OSTM1: variants seen among roughly 807,000 people sequenced by gnomAD.
OSTM1 encodes the protein osteopetrosis-associated transmembrane protein 1.
A neutral mutation model predicts 35.4 loss-of-function variants in OSTM1; 26 were observed. That is an observed-to-expected ratio of 0.73 (90% CI 0.54 to 1.02). The LOEUF is 1.02. Among genes scored for constraint, OSTM1 ranks in the 50% least tolerant of loss-of-function variants. The probability of loss-of-function intolerance (pLI) is 0.00; values close to 1 mark genes in which losing one functional copy is unlikely to be tolerated. For missense variants in OSTM1, 366 were observed against 409.6 expected (o/e 0.89, Z 0.92); for synonymous variants, 181 against 165.0 (o/e 1.10, Z -0.75).
chr6:108,071,314 G>GT (rs112027916), intron 1 of OSTM1, among the ~76,000 whole-genome samples: 59 of 149,784 alleles, frequency 3.9e-4, no homozygotes, highest in South Asian at 1.5e-3. Flanking sequence ...TTTTGTTTTG[G>GT]TTTTTTTTTG....
At chr6:108,047,435 G>A (rs976283724) in intron 5 of OSTM1, among the ~76,000 whole-genome samples, 1 of 152,210 alleles carries the variant, frequency 6.6e-6, no homozygotes, top group African/African-American at 2.4e-5. Flanking sequence ...AGCAGACCCT[G>A]GAAAGTAAGT....
rs115796430 is a variant in OSTM1 at position 108,046,005 on chromosome 6, T to A, written c.950-1165A>T. On this transcript the variant is annotated intron_variant, in intron 5 of 5. Transcript: ENST00000193322. The stretch of plus-strand genomic sequence containing the variant: ...TCTGGTTTCTTTTTTTATTTTATTT[T>A]ATTTATTTTTTTTGAGACGGACTCT... Among the ~76,000 whole-genome samples, 457 of 151,950 alleles carry A rather than the reference T, an allele frequency of 3.0e-3. 3 individuals are homozygous for A. The highest frequency in any genetic ancestry group is 0.011 in the African/African-American group (441 of 41,460).
At chr6:108,048,147 CCTTT>C (rs914413846) in intron 5 of OSTM1, among the ~76,000 whole-genome samples, 1 of 151,984 alleles carries the variant, frequency 6.6e-6, no homozygotes, top group Non-Finnish European at 1.5e-5. Flanking sequence ...CTACAGGTAA[CCTTT>C]TTTTAAAAAA....
chr6:108,044,935 A>G (rs113747694), intron 5 of OSTM1, 95 bp from the exon 6 acceptor site: 1 of 620,706 alleles, frequency 1.6e-6, no homozygotes, highest in African/African-American at 1.9e-5. Flanking sequence ...TTATCTATTA[A>G]TTCTATGTTT....
In OSTM1 at chr6:108,050,222, T is replaced by C. The variant is rs6938344; in HGVS notation, c.784-804A>G. Among the ~76,000 whole-genome samples the C allele has an allele frequency of 7.2e-3, 1,098 of 152,306 alleles. 11 individuals carry two copies. Among genetic ancestry groups the C allele is most frequent in the African/African-American group, 0.017 (703 of 41,562 alleles). ...TAAGTCCTTGTCCTCATGTGGCTTATATTTTAGTGAGGAAGACAGACTAAA... is the reference window on the plus strand; with the variant it reads ...TAAGTCCTTGTCCTCATGTGGCTTACATTTTAGTGAGGAAGACAGACTAAA... On this transcript the variant is annotated intron_variant, in intron 4 of 5. Transcript: ENST00000193322.
chr6:108,051,110 TAC>T lies in OSTM1; in HGVS notation c.702_703del (p.Tyr235GlnfsTer2). 1 of 1,613,508 alleles carries T rather than the reference TAC, an allele frequency of 6.2e-7. No individual in the cohort carries two copies. Among genetic ancestry groups the T allele is most frequent in the Non-Finnish European group, 8.5e-7 (1 of 1,179,476 alleles). On this transcript the variant is annotated frameshift_variant, in exon 4 of 6. Coordinates refer to ENST00000193322, the MANE Select transcript of OSTM1 (RefSeq NM_014028.4). LOFTEE classifies it high-confidence loss of function. Reference sequence around the variant, plus strand: ...TTCATTCATTTTTTGCATTTCACTGTACAGACTACTCAGAGTTTTGTATGCTT... The same window carrying T: ...TTCATTCATTTTTTGCATTTCACTGTAGACTACTCAGAGTTTTGTATGCTT...
chr6:108,053,560 G>T (rs1772119217), intron 3 of OSTM1, among the ~76,000 whole-genome samples: 1 of 152,046 alleles, frequency 6.6e-6, no homozygotes, highest in South Asian at 2.1e-4. Context: ...GCCCAGGCTG[G>T]AGTGCAATGG....
intron 3 of OSTM1, among the ~76,000 whole-genome samples, chr6:108,052,439 A>G (rs1461308221): frequency 6.6e-6 from 1 of 151,940 alleles, no homozygotes; most frequent in Non-Finnish European, 1.5e-5. Flanking sequence ...TCTCAAAAAA[A>G]AAAAAAAAAA....
chr6:108,052,230 C>T (rs549429714), intron 3 of OSTM1, among the ~76,000 whole-genome samples: 4 of 152,010 alleles, frequency 2.6e-5, no homozygotes, highest in African/African-American at 7.3e-5. Context: ...GTCAGGAGAT[C>T]GAGACCATCC....
intron 2 of OSTM1, among the ~76,000 whole-genome samples, chr6:108,057,372 TTGA>T (rs1436418694): frequency 6.6e-6 from 1 of 152,206 alleles, no homozygotes; most frequent in Non-Finnish European, 1.5e-5. Flanking sequence ...GTTTTTGTAG[TTGA>T]TGTGTTGCAG....
At chr6:108,071,057 G>A (rs1026427142) in intron 1 of OSTM1, among the ~76,000 whole-genome samples, 80 of 151,374 alleles carry the variant, frequency 5.3e-4, no homozygotes, top group African/African-American at 1.9e-3. Flanking sequence ...GCGTGGTGGC[G>A]GGCGCCTGTA....
At position 108,074,352 on chromosome 6, in the gene OSTM1, C is replaced by A. The variant is rs199570880; in HGVS notation, c.300G>T (p.Gly100=). ...DFANSSAELT[G]CLVRSARPVR... Reference sequence around the variant, plus strand: ...CGGGCCGGGCGCTGCGCACCAGACACCCTGTCAGCTCTGCGCTGCTGTTGG... The same window carrying A: ...CGGGCCGGGCGCTGCGCACCAGACAACCTGTCAGCTCTGCGCTGCTGTTGG... The change falls in exon 1 of 6, where the codon GGG becomes GGT. Residue 100 remains glycine, a synonymous_variant. Transcript: ENST00000193322. 407 of 1,606,332 alleles carry A rather than the reference C, an allele frequency of 2.5e-4. 2 individuals carry two copies. The East Asian group carries it at 5.3e-3, about 21-fold the overall frequency.
rs1166578726 is a variant in OSTM1 at position 108,068,012 on chromosome 6, CTT to C, written c.403-3715_403-3714del. 2.3e-4 allele frequency among the ~76,000 whole-genome samples: 35 copies of C among 152,110 alleles called. 1 individual carries two copies. The highest frequency in any genetic ancestry group is 6.6e-5 in the Admixed American group (1 of 15,262). Reference sequence around the variant, plus strand: ...CCCTGTTCAACCCACTCTGATCTCACTTTCGTACCCAAGGACTCCATCAAATT... The same window carrying C: ...CCCTGTTCAACCCACTCTGATCTCACTCGTACCCAAGGACTCCATCAAATT... On this transcript the variant is annotated intron_variant, in intron 1 of 5. Transcript: ENST00000193322.
intron 1 of OSTM1, 141 bp from the exon 2 acceptor site, chr6:108,064,440 T>C: frequency 3.1e-6 from 2 of 652,016 alleles, no homozygotes. Flanking sequence ...TTAACATTAA[T>C]AAAAACAATG....
At chr6:108,067,302 G>T (rs1455779310) in intron 1 of OSTM1, among the ~76,000 whole-genome samples, 1 of 152,044 alleles carries the variant, frequency 6.6e-6, no homozygotes, top group Non-Finnish European at 1.5e-5. Context: ...CCATTAAGGT[G>T]GGGAAGGCAC....
At chr6:108,053,010 A>T (rs181703497) in intron 3 of OSTM1, among the ~76,000 whole-genome samples, 19 of 152,304 alleles carry the variant, frequency 1.2e-4, no homozygotes, top group Non-Finnish European at 2.2e-4. Flanking sequence ...TTTTGCTAAT[A>T]AAAGCTTCCC....
At chr6:108,045,283 T>A (rs761405050) in intron 5 of OSTM1, among the ~76,000 whole-genome samples, 14 of 152,154 alleles carry the variant, frequency 9.2e-5, no homozygotes, top group Non-Finnish European at 1.9e-4. Context: ...TCTATAGCAA[T>A]CATTATGCTT....
intron 2 of OSTM1, among the ~76,000 whole-genome samples, chr6:108,057,570 A>G (rs895706253): frequency 5.9e-5 from 9 of 152,234 alleles, no homozygotes; most frequent in Non-Finnish European, 1.2e-4. Flanking sequence ...ATACCTAATT[A>G]AAACAAATAA....
intron 5 of OSTM1, among the ~76,000 whole-genome samples, chr6:108,045,585 A>AT (rs984450592): frequency 6.6e-6 from 1 of 152,114 alleles, no homozygotes; most frequent in African/African-American, 2.4e-5. Flanking sequence ...TAAAAAAAAA[A>AT]TTTTAATGAT....
Sources: gnomAD v4.1 joint callset for allele counts (sites outside exome capture counted in the v4.1 genomes callset) on GRCh38, gnomAD v4.1.1 for gene constraint, MANE v1.5 for transcripts, NCBI Gene and HGNC (gene_info 2026-07-23, HGNC 2026-07-21) for gene names.